The following NIPAL2 variants were observed in gnomAD, a reference collection of about 807,000 sequenced individuals.
The protein encoded by NIPAL2 is NIPA like domain containing 2.
In NIPAL2, 43 loss-of-function variants were observed where a neutral mutation model predicts 48.9. That is an observed-to-expected ratio of 0.88 (90% CI 0.69 to 1.13). The LOEUF is 1.13. NIPAL2 is among the 50% of genes most tolerant of loss of function. The pLI is 0.00. For synonymous variants in NIPAL2, 167 were observed against 174.6 expected (o/e 0.96, Z 0.34); for missense variants, 446 against 461.4 (o/e 0.97, Z 0.31).
At chr8:98,292,383 C>A (rs567395685) in intron 1 of NIPAL2, among the ~76,000 whole-genome samples, 134 of 152,238 alleles carry the variant, frequency 8.8e-4, no homozygotes, top group African/African-American at 3.0e-3. Context: ...AGATAAAATA[C>A]CACCATCTTA....
chr8:98,275,053 C>T (rs926673835), intron 1 of NIPAL2, among the ~76,000 whole-genome samples: 1 of 152,040 alleles, frequency 6.6e-6, no homozygotes, highest in African/African-American at 2.4e-5. Flanking sequence ...GGCATATTTC[C>T]TCTAACTGCC....
In NIPAL2 at chr8:98,194,831, A is replaced by T. The variant is rs1357411910; in HGVS notation, c.945-9T>A. On this transcript the variant is annotated splice_polypyrimidine_tract_variant and intron_variant, in intron 9 of 10. Transcript: ENST00000430223. Reference sequence around the variant, plus strand: ...GGAATGACAGAAAACACCTGTAAGGATAATATTAATAAAGAATACAAGAAC... The same window carrying T: ...GGAATGACAGAAAACACCTGTAAGGTTAATATTAATAAAGAATACAAGAAC... The T allele has an allele frequency of 6.7e-7, 1 of 1,482,988 alleles. No individual in the cohort carries two copies. The highest frequency in any genetic ancestry group is 9.1e-7 in the Non-Finnish European group (1 of 1,101,864). The allele number at this position is 1,482,988 out of a possible 1,614,324, so 91.9% of individuals were successfully genotyped here. A position where few individuals can be genotyped will look rare whatever the true frequency, so the allele number is the denominator to read the frequency against.
chr8:98,213,927 C>T (rs1020957787), intron 5 of NIPAL2, among the ~76,000 whole-genome samples: 6 of 152,194 alleles, frequency 3.9e-5, no homozygotes, highest in African/African-American at 1.4e-4. Flanking sequence ...GAACAGGAAT[C>T]TTACCTACTC....
At chr8:98,270,878 A>G (rs779630820) in intron 1 of NIPAL2, among the ~76,000 whole-genome samples, 1 of 152,130 alleles carries the variant, frequency 6.6e-6, no homozygotes, top group Non-Finnish European at 1.5e-5. Context: ...ATTTGTTTAT[A>G]TGGTGAGAGG....
intron 4 of NIPAL2, among the ~76,000 whole-genome samples, chr8:98,234,861 C>G (rs1040000485): frequency 6.6e-6 from 1 of 151,902 alleles, no homozygotes; most frequent in African/African-American, 2.4e-5. Context: ...ATTGGCCATT[C>G]TTATTTCTGA....
chr8:98,264,141 G>A (rs1001947623), intron 1 of NIPAL2, among the ~76,000 whole-genome samples: 1 of 151,634 alleles, frequency 6.6e-6, no homozygotes, highest in Non-Finnish European at 1.5e-5. Context: ...AAAATAATAA[G>A]AGCTATCTAT....
intron 6 of NIPAL2, among the ~76,000 whole-genome samples, chr8:98,210,144 C>T (rs1400233911): frequency 6.6e-6 from 1 of 151,026 alleles, no homozygotes; most frequent in African/African-American, 2.4e-5. Context: ...TAATTTTTGC[C>T]TTTTTAATTA....
Position 98,225,289 on chromosome 8 carries a change from G to A in NIPAL2, c.437-2689C>T, listed in dbSNP as rs570499662. The stretch of plus-strand genomic sequence containing the variant: ...TTATGTGATTTACTGTCCCCTTTAT[G>A]AGTTGTATGCACATTTTTCATAAGT... On this transcript the variant is annotated intron_variant, in intron 4 of 10. Coordinates refer to ENST00000430223, the MANE Select transcript of NIPAL2 (RefSeq NM_001321635.2). Among the ~76,000 whole-genome samples the A allele has an allele frequency of 2.6e-5, 4 of 152,296 alleles. No homozygotes were observed. In the South Asian group the frequency reaches 8.3e-4, roughly 32 times the overall value.
intron 1 of NIPAL2, among the ~76,000 whole-genome samples, chr8:98,259,572 T>G (rs982940881): frequency 3.3e-5 from 5 of 152,330 alleles, no homozygotes; most frequent in Admixed American, 3.3e-4. Flanking sequence ...GTCTTGTACC[T>G]CCACCTGTTA....
intron 4 of NIPAL2, among the ~76,000 whole-genome samples, chr8:98,225,893 C>T (rs1366367101): frequency 1.3e-5 from 2 of 151,892 alleles, no homozygotes; most frequent in Admixed American, 6.6e-5. Context: ...TAAGCGTGTT[C>T]CATTCCTTTT....
At chr8:98,233,294 C>T (rs1242510557) in intron 4 of NIPAL2, among the ~76,000 whole-genome samples, 1 of 151,684 alleles carries the variant, frequency 6.6e-6, no homozygotes. Context: ...AGCAAAGAAT[C>T]CCAAATAATT....
Position 98,236,288 on chromosome 8 carries a change from T to C in NIPAL2, c.377-74A>G, listed in dbSNP as rs974324297. The C allele has an allele frequency of 2.0e-5, 22 of 1,084,230 alleles. No homozygotes were observed. In the African/African-American group the frequency reaches 3.4e-4, roughly 17 times the overall value. 67.2% of individuals were successfully genotyped at this position (1,084,230 alleles called of 1,614,324 possible). A position where few individuals can be genotyped will look rare whatever the true frequency, so the allele number is the denominator to read the frequency against. ...TTACGCAATGCCATTTGAAAGAAGT[T>C]AAGCAATTTGTGCCTTATGCCTGAT... On this transcript the variant is annotated intron_variant, in intron 3 of 10. Coordinates refer to ENST00000430223, the MANE Select transcript of NIPAL2 (RefSeq NM_001321635.2).
chr8:98,249,125 C>G (rs941726017), intron 3 of NIPAL2, among the ~76,000 whole-genome samples: 6 of 152,146 alleles, frequency 3.9e-5, no homozygotes, highest in African/African-American at 1.2e-4. Flanking sequence ...CTGCATCTGC[C>G]CCTCAAAGAT....
At chr8:98,266,150 G>T in intron 1 of NIPAL2, among the ~76,000 whole-genome samples, 1 of 100,020 alleles carries the variant, frequency 1.0e-5, no homozygotes, top group East Asian at 3.7e-4. Flanking sequence ...GGGGAGGGGG[G>T]AGGGATAGCA....
chr8:98,263,994 G>A (rs982763483), intron 1 of NIPAL2, among the ~76,000 whole-genome samples: 1 of 144,668 alleles, frequency 6.9e-6, no homozygotes, highest in Non-Finnish European at 1.5e-5. Context: ...ATCAATAAAT[G>A]TAATCCAGCA....
chr8:98,196,096 A>C, intron 8 of NIPAL2, 91 bp from the exon 9 acceptor site: 1 of 807,000 alleles, frequency 1.2e-6, no homozygotes, highest in Non-Finnish European at 1.9e-6. Flanking sequence ...TTAATATGTT[A>C]TTTTTTCAAA....
intron 8 of NIPAL2, among the ~76,000 whole-genome samples, chr8:98,197,187 G>A (rs1810590966): frequency 6.6e-6 from 1 of 150,964 alleles, no homozygotes; most frequent in African/African-American, 2.4e-5. Flanking sequence ...TCACAATAAA[G>A]CTAATCTCTC....
intron 5 of NIPAL2, among the ~76,000 whole-genome samples, chr8:98,220,496 G>T (rs1811801224): frequency 6.7e-6 from 1 of 149,510 alleles, no homozygotes; most frequent in East Asian, 2.0e-4. Context: ...CTGCAACCTT[G>T]ACCTCCTGGG....
At chr8:98,226,763 C>T (rs544821811) in intron 4 of NIPAL2, among the ~76,000 whole-genome samples, 13 of 152,298 alleles carry the variant, frequency 8.5e-5, no homozygotes, top group Non-Finnish European at 1.9e-4. Flanking sequence ...TATCCACTGC[C>T]TGGCTACTGC....
Sources: gnomAD v4.1 joint callset for allele counts (sites outside exome capture counted in the v4.1 genomes callset) on GRCh38, gnomAD v4.1.1 for gene constraint, MANE v1.5 for transcripts, NCBI Gene and HGNC (gene_info 2026-07-23, HGNC 2026-07-21) for gene names.